The following PUDP variants were observed in gnomAD, a reference collection of about 807,000 sequenced individuals.
The protein encoded by PUDP is pseudouridine-5'-phosphatase.
In PUDP, 8 loss-of-function variants were observed where a neutral mutation model predicts 9.4. The ratio of observed to expected loss-of-function variants is 0.85; its 90% CI spans 0.50 to 1.53. The LOEUF (loss-of-function observed/expected upper bound fraction) is 1.53, where lower values mean the gene tolerates loss of function less well. Ranked by LOEUF, PUDP falls within the 40% of genes most tolerant of loss-of-function variation. The probability of loss-of-function intolerance (pLI) is 0.00; values close to 1 mark genes in which losing one functional copy is unlikely to be tolerated. For missense variants in PUDP, 188 were observed against 189.7 expected (o/e 0.99, Z 0.05); for synonymous variants, 99 against 80.7 (o/e 1.23, Z -1.22).
chrX:6,934,691 T>C (rs1393611862), intron 3 of PUDP, among the ~76,000 whole-genome samples: 1 of 95,030 alleles, frequency 1.1e-5, no homozygotes, highest in Admixed American at 1.2e-4. Context: ...GACTGGCAAA[T>C]TGGATAAAGA....
At chrX:6,940,410 C>T (rs751890695) in intron 3 of PUDP, among the ~76,000 whole-genome samples, 4 of 112,501 alleles carry the variant, frequency 3.6e-5, no homozygotes, top group Admixed American at 9.4e-5. Flanking sequence ...GAGGCAATTA[C>T]AGGTGTTGAT....
chrX:6,732,491 A>G (rs5948742), intron 3 of PUDP, among the ~76,000 whole-genome samples: 35,977 of 108,408 alleles, frequency 0.33, 5,105 homozygotes, highest in East Asian at 0.53. Context: ...TCATTAATTT[A>G]TATTTTCTTT....
At chrX:6,988,308 C>T (rs1193824558) in intron 1 of PUDP, among the ~76,000 whole-genome samples, 5 of 111,551 alleles carry the variant, frequency 4.5e-5, no homozygotes, top group Non-Finnish European at 7.5e-5. Context: ...AGCCCCTAAA[C>T]ATGCATATTC....
chrX:6,745,409 C>T (rs951193820), intron 3 of PUDP, among the ~76,000 whole-genome samples: 1 of 111,914 alleles, frequency 8.9e-6, no homozygotes, highest in Non-Finnish European at 1.9e-5. Flanking sequence ...TAGTCTTGGC[C>T]ACTGCACTGT....
chrX:6,813,186 GA>G (rs1287566106), intron 3 of PUDP, among the ~76,000 whole-genome samples: 1 of 109,315 alleles, frequency 9.1e-6, no homozygotes, highest in Non-Finnish European at 1.9e-5. Flanking sequence ...CAAAGAAAGA[GA>G]AAAAAAAGAA....
chrX:7,052,338 C>G (rs767328228), intron 3 of PUDP, among the ~76,000 whole-genome samples: 40 of 111,635 alleles, frequency 3.6e-4, no homozygotes, highest in Non-Finnish European at 5.3e-4. Flanking sequence ...CACCTGGCCC[C>G]CTTTGCCTTT....
At chrX:6,939,333 T>C (rs1928363084) in intron 3 of PUDP, among the ~76,000 whole-genome samples, 2 of 107,091 alleles carry the variant, frequency 1.9e-5, no homozygotes, top group Non-Finnish European at 3.8e-5. Context: ...ATTTAATATC[T>C]ATATTAATAT....
chrX:6,710,729 G>A (rs1924521907), intron 1 of PUDP, among the ~76,000 whole-genome samples: 1 of 112,166 alleles, frequency 8.9e-6, no homozygotes, highest in African/African-American at 3.2e-5. Flanking sequence ...CTGCTCACTC[G>A]ACCAAACAGT....
chrX:6,981,328 T>A (rs1424400837), intron 1 of PUDP, among the ~76,000 whole-genome samples: 1 of 111,798 alleles, frequency 8.9e-6, no homozygotes, highest in Non-Finnish European at 1.9e-5. Context: ...TTTTTTGATT[T>A]AAAAAGGTTA....
At chrX:6,925,822 C>G (rs1259191058) in intron 3 of PUDP, among the ~76,000 whole-genome samples, 1 of 111,490 alleles carries the variant, frequency 9.0e-6, no homozygotes, top group Non-Finnish European at 1.9e-5. Flanking sequence ...CTGTCTAAAA[C>G]CTGGAGTGAG....
At chrX:6,923,882 G>A (rs764085964) in intron 3 of PUDP, among the ~76,000 whole-genome samples, 20 of 111,045 alleles carry the variant, frequency 1.8e-4, no homozygotes, top group African/African-American at 6.5e-4. Context: ...TGAATCCGGG[G>A]ACACACACTT....
At chrX:6,826,363 G>A (rs1926423118) in intron 3 of PUDP, among the ~76,000 whole-genome samples, 2 of 111,610 alleles carry the variant, frequency 1.8e-5, no homozygotes, top group Non-Finnish European at 3.8e-5. Context: ...CTTACAGAGG[G>A]ATTCAATGTC....
intron 3 of PUDP, among the ~76,000 whole-genome samples, chrX:6,766,110 A>C (rs1229731714): frequency 9.0e-6 from 1 of 111,731 alleles, no homozygotes; most frequent in African/African-American, 3.2e-5. Flanking sequence ...TAAAAAAAAA[A>C]CTGTCAACCC....
At chrX:6,995,023 C>A (rs1216239316) in intron 1 of PUDP, among the ~76,000 whole-genome samples, 1 of 110,136 alleles carries the variant, frequency 9.1e-6, no homozygotes, top group Non-Finnish European at 1.9e-5. Context: ...ACAGGAAGGG[C>A]ACAAAACTGT....
At chrX:6,705,866 A>G (rs1924463966) in intron 2 of PUDP, among the ~76,000 whole-genome samples, 1 of 112,841 alleles carries the variant, frequency 8.9e-6, no homozygotes, top group Admixed American at 9.4e-5. Context: ...TGTCAGAGGA[A>G]TACAATATCA....
At chrX:7,062,938 G>A (rs1930448318) in intron 3 of PUDP, among the ~76,000 whole-genome samples, 1 of 85,923 alleles carries the variant, frequency 1.2e-5, no homozygotes, top group Non-Finnish European at 2.1e-5. Flanking sequence ...CTCATCCACT[G>A]AAATACCTGG....
intron 3 of PUDP, among the ~76,000 whole-genome samples, chrX:6,828,358 CTA>C (rs1197170739): frequency 4.1e-5 from 4 of 96,812 alleles, no homozygotes; most frequent in Admixed American, 1.0e-4. Context: ...GACACTGTTG[CTA>C]TATATGTGTG....
intron 3 of PUDP, among the ~76,000 whole-genome samples, chrX:6,744,343 T>C (rs1019780586): frequency 2.7e-5 from 3 of 111,987 alleles, no homozygotes; most frequent in African/African-American, 9.8e-5. Flanking sequence ...GAATTCTTTA[T>C]GCACAAAAAT....
chrX:6,930,420 T>C (rs1928171082), intron 3 of PUDP, among the ~76,000 whole-genome samples: 1 of 111,486 alleles, frequency 9.0e-6, no homozygotes, highest in South Asian at 3.9e-4. Context: ...GCTCATTATA[T>C]GCTAATTCAA....
Sources: allele counts gnomAD v4.1 joint callset (sites outside exome capture counted in the v4.1 genomes callset), GRCh38; gene constraint gnomAD v4.1.1; transcripts MANE v1.5; gene names NCBI Gene and HGNC (gene_info 2026-07-23, HGNC 2026-07-21).